The following ZNF678 variants were observed in gnomAD, a reference collection of about 807,000 sequenced individuals.
The protein encoded by ZNF678 is hypothetical protein MGC42493.
A neutral mutation model predicts 3.0 loss-of-function variants in ZNF678; 5 were observed. The observed-to-expected ratio is 1.69, with a 90% CI of 0.88 to 3.56. The LOEUF is 3.56. Ranked by LOEUF, ZNF678 falls within the 30% of genes most tolerant of loss-of-function variation. The probability of loss-of-function intolerance (pLI) is 0.00; values close to 1 mark genes in which losing one functional copy is unlikely to be tolerated. For synonymous variants in ZNF678, 218 were observed against 199.6 expected (o/e 1.09, Z -0.78); for missense variants, 593 against 605.0 (o/e 0.98, Z 0.21).
intron 1 of ZNF678, among the ~76,000 whole-genome samples, chr1:227,574,138 A>G (rs1346315342): frequency 3.3e-5 from 5 of 152,178 alleles, no homozygotes; most frequent in African/African-American, 1.2e-4. Flanking sequence ...GAACATATAC[A>G]TGCATTTGTC....
At chr1:227,628,369 T>C (rs972235280) in intron 1 of ZNF678, among the ~76,000 whole-genome samples, 3 of 152,240 alleles carry the variant, frequency 2.0e-5, no homozygotes, top group African/African-American at 7.2e-5. Flanking sequence ...ATTAGGGCCT[T>C]CTTTAGGGCC....
At chr1:227,639,298 A>AG (rs1658758985) in intron 1 of ZNF678, among the ~76,000 whole-genome samples, 1 of 152,200 alleles carries the variant, frequency 6.6e-6, no homozygotes, top group South Asian at 2.1e-4. Flanking sequence ...GTGGGCCAGC[A>AG]GGGGGCCCCT....
intron 1 of ZNF678, among the ~76,000 whole-genome samples, chr1:227,644,288 A>G (rs1204746181): frequency 2.0e-5 from 3 of 152,242 alleles, no homozygotes; most frequent in Non-Finnish European, 4.4e-5. Flanking sequence ...TTTTATGAAG[A>G]TTAACTCACA....
intron 1 of ZNF678, among the ~76,000 whole-genome samples, chr1:227,564,029 G>A (rs756733031): frequency 1.3e-5 from 2 of 152,268 alleles, no homozygotes; most frequent in African/African-American, 4.8e-5. Context: ...CTGTTCCATG[G>A]GGCTTATCTT....
intron 1 of ZNF678, among the ~76,000 whole-genome samples, chr1:227,591,896 T>G (rs569118257): frequency 3.4e-4 from 52 of 152,272 alleles, no homozygotes; most frequent in African/African-American, 1.2e-3. Flanking sequence ...GTCCAAATTT[T>G]AAGGAAAATG....
chr1:227,667,779 G>A (rs553207120), intron 5 of ZNF678, among the ~76,000 whole-genome samples: 2 of 152,184 alleles, frequency 1.3e-5, no homozygotes, highest in Admixed American at 6.5e-5. Context: ...AATATACCCC[G>A]AACTTATTTA....
chr1:227,679,112 T>G (rs1481566961), downstream of ZNF678, among the ~76,000 whole-genome samples: 1 of 151,206 alleles, frequency 6.6e-6, no homozygotes, highest in African/African-American at 2.4e-5. Context: ...GTAAATGACT[T>G]CTAGAACAAT....
downstream of ZNF678, among the ~76,000 whole-genome samples, chr1:227,666,375 C>T (rs774061550): frequency 1.3e-5 from 2 of 152,204 alleles, no homozygotes; most frequent in Non-Finnish European, 2.9e-5. Flanking sequence ...CTGCATTAAT[C>T]TATTGTGTCT....
chr1:227,578,874 T>G (rs948965901), intron 1 of ZNF678, among the ~76,000 whole-genome samples: 11 of 152,234 alleles, frequency 7.2e-5, no homozygotes, highest in Non-Finnish European at 1.5e-4. Context: ...TGTTAGTTTA[T>G]CTACCTTCAA....
At position 227,655,691 on chromosome 1, in the gene ZNF678, A is replaced by G. The variant is rs531421732; in HGVS notation, c.1441A>G (p.Arg481Gly). 1.2e-6 allele frequency: 2 copies of G among 1,612,778 alleles called. No individual in the cohort carries two copies. Among genetic ancestry groups the G allele is most frequent in the African/African-American group, 2.7e-5 (2 of 74,982 alleles). Reference protein sequence around the residue: ...NQFSSLTRHKRIHTGEKRYKC... With the variant: ...NQFSSLTRHKGIHTGEKRYKC... ...GTTCTCAAGCCTTACTCGTCATAAA[A>G]GAATTCATACTGGAGAGAAACGCTA... Residue 481 changes from arginine to glycine, a missense_variant, in exon 4 of 4, where the codon AGA becomes GGA. Physicochemically the swap from Arg to Gly is moderately radical, Grantham distance 125. Transcript: ENST00000343776.
intron 1 of ZNF678, chr1:227,599,185 C>G (rs1396244954): frequency 1.8e-6 from 2 of 1,121,214 alleles, no homozygotes; most frequent in East Asian, 2.4e-5. Context: ...TTCAAATAAC[C>G]TTTGTTAAAT....
At chr1:227,580,466 A>G (rs1242304526) in intron 1 of ZNF678, among the ~76,000 whole-genome samples, 2 of 152,178 alleles carry the variant, frequency 1.3e-5, no homozygotes, top group Non-Finnish European at 2.9e-5. Context: ...AAAAGCTGTT[A>G]ATGTCCTGAT....
intron 1 of ZNF678, among the ~76,000 whole-genome samples, chr1:227,633,903 A>G (rs1370341790): frequency 6.6e-6 from 1 of 152,202 alleles, no homozygotes; most frequent in African/African-American, 2.4e-5. Flanking sequence ...AGCTAAGGGA[A>G]TGCTGACATC....
At chr1:227,617,303 T>TAGTA (rs1658165567) in intron 1 of ZNF678, among the ~76,000 whole-genome samples, 1 of 152,136 alleles carries the variant, frequency 6.6e-6, no homozygotes, top group Non-Finnish European at 1.5e-5. Flanking sequence ...GTAGCATGTG[T>TAGTA]GTGATTAGGT....
chr1:227,614,831 C>A (rs1658104981), intron 1 of ZNF678, among the ~76,000 whole-genome samples: 1 of 152,212 alleles, frequency 6.6e-6, no homozygotes, highest in South Asian at 2.1e-4. Context: ...CTGTCCTGCA[C>A]CCAGAATGCC....
Position 227,563,566 on chromosome 1 carries a change from T to G in ZNF678, c.-322T>G. 1 of 736,760 alleles carries G rather than the reference T, an allele frequency of 1.4e-6. No homozygotes were observed. Among genetic ancestry groups the G allele is most frequent in the Non-Finnish European group, 2.1e-6 (1 of 472,180 alleles). The allele number at this position is 736,760 out of a possible 1,614,324, so 45.6% of individuals were successfully genotyped here. A position where few individuals can be genotyped will look rare whatever the true frequency, so the allele number is the denominator to read the frequency against. On this transcript the variant is annotated 5_prime_UTR_variant, in exon 1 of 4. Transcript: ENST00000343776. ...GGGATCTGGCGGGGCCTTTGTCTTG[T>G]GCTCCAGCTGGAGCTTTGGTCCCGT... is the stretch of plus-strand genomic sequence containing the variant.
In ZNF678 at chr1:227,587,534, A is replaced by G. The variant is rs186780551; in HGVS notation, c.-164+23810A>G. 4.8e-3 allele frequency among the ~76,000 whole-genome samples: 725 copies of G among 152,310 alleles called. 2 individuals carry two copies. The highest frequency in any genetic ancestry group is 0.014 in the Middle Eastern group (4 of 294). On this transcript the variant is annotated intron_variant, in intron 1 of 3. Coordinates refer to ENST00000343776, the MANE Select transcript of ZNF678 (RefSeq NM_001367909.1). Reference sequence around the variant, plus strand: ...GCTTATCCTATCTTGTCTAGAACCAAAAGTTTCAACTTTTGGTGTGTCAAG... The same window carrying G: ...GCTTATCCTATCTTGTCTAGAACCAGAAGTTTCAACTTTTGGTGTGTCAAG...
Position 227,658,413 on chromosome 1 carries a change from A to G in ZNF678, c.*2585A>G, listed in dbSNP as rs1659305912. On this transcript the variant is annotated 3_prime_UTR_variant, in exon 4 of 4. Transcript: ENST00000343776. ...GTAAGAGATTAGAAATATTCAGCATAAAGAGATGGCATTAACTCTGCATGT... is the reference window on the plus strand; with the variant it reads ...GTAAGAGATTAGAAATATTCAGCATGAAGAGATGGCATTAACTCTGCATGT... The G allele has an allele frequency of 6.6e-6, 1 of 152,078 alleles. No individual in the cohort carries two copies. The highest frequency in any genetic ancestry group is 2.1e-4 in the South Asian group (1 of 4,826). The allele number at this position is 152,078 out of a possible 1,614,324, so 9.4% of individuals were successfully genotyped here.
At chr1:227,599,194 A>G in intron 1 of ZNF678, 2 of 1,015,534 alleles carry the variant, frequency 2.0e-6, no homozygotes, top group South Asian at 1.3e-5. Context: ...CCTTTGTTAA[A>G]TTTAACTGGT....
Sources: gnomAD v4.1 joint callset for allele counts (sites outside exome capture counted in the v4.1 genomes callset) on GRCh38, gnomAD v4.1.1 for gene constraint, MANE v1.5 for transcripts, NCBI Gene and HGNC (gene_info 2026-07-23, HGNC 2026-07-21) for gene names.